Variants in CBL observed in about 807,000 individuals in gnomAD.
CBL encodes Cbl proto-oncogene.
In CBL, 45 loss-of-function variants were observed where a neutral mutation model predicts 96.9. That is an observed-to-expected ratio of 0.46 (90% CI 0.37 to 0.60). The LOEUF (loss-of-function observed/expected upper bound fraction) is 0.60, where lower values mean the gene tolerates loss of function less well. Among genes scored for constraint, CBL ranks in the 20% least tolerant of loss-of-function variants. The pLI is 0.00. For missense variants in CBL, 1,024 were observed against 1,143.5 expected (o/e 0.90, Z 1.51); for synonymous variants, 420 against 426.8 (o/e 0.98, Z 0.20).
intron 2 of CBL, among the ~76,000 whole-genome samples, chr11:119,270,664 T>G (rs562447946): frequency 6.6e-5 from 10 of 151,118 alleles, no homozygotes; most frequent in African/African-American, 2.2e-4. Context: ...GCCGGGATGG[T>G]CTCGATCTCC....
intron 2 of CBL, among the ~76,000 whole-genome samples, chr11:119,266,900 G>C (rs1166811020): frequency 6.6e-6 from 1 of 152,202 alleles, no homozygotes; most frequent in Non-Finnish European, 1.5e-5. Context: ...AAGTTGAACA[G>C]TTGTGTTCCT....
At chr11:119,269,978 C>T (rs538511232) in intron 2 of CBL, among the ~76,000 whole-genome samples, 4 of 151,290 alleles carry the variant, frequency 2.6e-5, no homozygotes, top group African/African-American at 7.2e-5. Context: ...GCCCAGGCGA[C>T]AGAGCGAGAC....
Position 119,303,809 on chromosome 11 carries a change from C to T in CBL, c.*4028C>T, listed in dbSNP as rs1027412638. The stretch of plus-strand genomic sequence containing the variant: ...TTTAAGCAAAGCATCTGCCCACACT[C>T]CCCTTTCCAATCTAGTGCCTTCCTT... On this transcript the variant is annotated 3_prime_UTR_variant, in exon 16 of 16. Transcript: ENST00000264033. 2 of 233,616 alleles carry T rather than the reference C, an allele frequency of 8.6e-6. No homozygotes were observed. The highest frequency in any genetic ancestry group is 1.7e-5 in the Non-Finnish European group (2 of 118,068). The allele number at this position is 233,616 out of a possible 1,614,324, so 14.5% of individuals were successfully genotyped here.
chr11:119,249,940 G>T (rs1219901433), intron 2 of CBL, among the ~76,000 whole-genome samples: 1 of 152,118 alleles, frequency 6.6e-6, no homozygotes, highest in Non-Finnish European at 1.5e-5. Flanking sequence ...TTTTAGATGT[G>T]AGCCACTGTG....
In CBL at chr11:119,298,534, A is replaced by G; in HGVS notation, c.2428A>G (p.Thr810Ala). 1 of 1,614,092 alleles carries G rather than the reference A, an allele frequency of 6.2e-7. No homozygotes were observed. The highest frequency in any genetic ancestry group is 1.7e-5 in the Admixed American group (1 of 60,016). Residue 810 changes from threonine (T) to alanine (A), a missense_variant, in exon 15 of 16, where the codon ACA (threonine) becomes GCA (alanine). Thr to Ala is a moderately conservative substitution (Grantham distance 58). Transcript: ENST00000264033. Reference sequence around the variant, plus strand: ...CTGGTTGTCTCTGGATGGTGATCCTACAACAAGTGAGTCTCCAGACTACTT... The same window carrying G: ...CTGGTTGTCTCTGGATGGTGATCCTGCAACAAGTGAGTCTCCAGACTACTT... ...FGWLSLDGDP[T>A]TNVTEGSQVP...
intron 12 of CBL, among the ~76,000 whole-genome samples, chr11:119,294,608 T>G (rs1051327273): frequency 6.6e-6 from 1 of 151,884 alleles, no homozygotes; most frequent in African/African-American, 2.4e-5. Context: ...CTGGCCAATA[T>G]GGTGAAACCC....
Position 119,303,739 on chromosome 11 carries a change from T to C in CBL, c.*3958T>C. On this transcript the variant is annotated 3_prime_UTR_variant, in exon 16 of 16. Coordinates refer to ENST00000264033, the MANE Select transcript of CBL (RefSeq NM_005188.4). The stretch of plus-strand genomic sequence containing the variant: ...ACATAATTAGAATCTGTTTGGTGAG[T>C]TGAAAGGTAAGTTGGCTCAGAGTTG... The C allele has an allele frequency of 4.3e-6, 1 of 233,698 alleles. No individual in the cohort carries two copies. The highest frequency in any genetic ancestry group is 8.5e-6 in the Non-Finnish European group (1 of 118,044). 14.5% of individuals were successfully genotyped at this position (233,698 alleles called of 1,614,324 possible).
intron 9 of CBL, among the ~76,000 whole-genome samples, chr11:119,283,632 T>C (rs1342729677): frequency 9.4e-5 from 5 of 52,996 alleles, no homozygotes; most frequent in African/African-American, 4.9e-4. Context: ...TTTCTTTTTT[T>C]TTTTTTTTTT....
In CBL at chr11:119,287,852, A is replaced by C. The variant is rs143264567; in HGVS notation, c.1942A>C (p.Ser648Arg). 68 of 1,602,450 alleles carry C rather than the reference A, an allele frequency of 4.2e-5. No individual in the cohort carries two copies. In the African/African-American group the frequency reaches 8.7e-4, roughly 20 times the overall value. ...GSTFSLDTSM[S>R]MNSSPLVGPE... ...TTCAACACTTTTCTTTACTTTCCAG[A>C]GTATGAATAGCAGCCCATTAGTAGG... Residue 648 changes from serine (S) to arginine (R), a missense_variant and splice_region_variant, in exon 12 of 16, where the codon AGT becomes CGT. Around this residue, in one of 4 missense-constraint regions of CBL, gnomAD observed 695 missense variants for 661.6 expected, o/e 1.05. Transcript: ENST00000264033.
At chr11:119,232,856 C>T (rs559327075) in intron 2 of CBL, among the ~76,000 whole-genome samples, 161 bp downstream of exon 2, 17 of 152,246 alleles carry the variant, frequency 1.1e-4, no homozygotes, top group African/African-American at 3.9e-4. Context: ...CCATGGATGA[C>T]GTTGTACTAT....
At chr11:119,285,685 G>A (rs1374890973) in intron 11 of CBL, 119 bp downstream of exon 11, 6 of 1,126,060 alleles carry the variant, frequency 5.3e-6, no homozygotes, top group African/African-American at 1.5e-5. Context: ...CGCTTGAGCC[G>A]AGGATTTCGA....
intron 1 of CBL, among the ~76,000 whole-genome samples, chr11:119,228,210 C>CG (rs1225162283): frequency 6.6e-6 from 1 of 152,148 alleles, no homozygotes; most frequent in Admixed American, 6.5e-5. Flanking sequence ...CCGCCTCAAG[C>CG]GGCCCTCCCA....
chr11:119,249,039 CT>C (rs1323512326), intron 2 of CBL, among the ~76,000 whole-genome samples: 1 of 152,112 alleles, frequency 6.6e-6, no homozygotes, highest in Admixed American at 6.6e-5. Context: ...TTTGGCAGTT[CT>C]TTAGAAAGCT....
chr11:119,279,173 T>C (rs909154840), intron 9 of CBL, among the ~76,000 whole-genome samples: 1 of 143,032 alleles, frequency 7.0e-6, no homozygotes, highest in African/African-American at 2.5e-5. Context: ...TTCTGTTCCC[T>C]TTTTTTTTTT....
intron 2 of CBL, among the ~76,000 whole-genome samples, chr11:119,235,766 G>A (rs1949541280): frequency 6.6e-6 from 1 of 152,198 alleles, no homozygotes; most frequent in Non-Finnish European, 1.5e-5. Flanking sequence ...TTCAGTACAT[G>A]TTGACAAGTT....
intron 1 of CBL, among the ~76,000 whole-genome samples, chr11:119,218,581 T>C (rs1949381871): frequency 6.6e-6 from 1 of 152,192 alleles, no homozygotes; most frequent in African/African-American, 2.4e-5. Context: ...CTTACGCTGC[T>C]TCTGTCCTGG....
In CBL at chr11:119,305,197, T is replaced by C. The variant is rs940679182; in HGVS notation, c.*5416T>C. 3 of 229,134 alleles carry C rather than the reference T, an allele frequency of 1.3e-5. No individual in the cohort carries two copies. Among genetic ancestry groups the C allele is most frequent in the African/African-American group, 6.6e-5 (3 of 45,124 alleles). The allele number at this position is 229,134 out of a possible 1,614,324, so 14.2% of individuals were successfully genotyped here. A position where few individuals can be genotyped will look rare whatever the true frequency, so the allele number is the denominator to read the frequency against. ...CATCATAGAAATTCTTAGGTTTAAC[T>C]TAATTCTGGTCATTGTCTTCTTTAT... On this transcript the variant is annotated 3_prime_UTR_variant, in exon 16 of 16. Transcript: ENST00000264033.
chr11:119,246,869 G>A (rs954786528), intron 2 of CBL, among the ~76,000 whole-genome samples: 20 of 152,282 alleles, frequency 1.3e-4, no homozygotes, highest in Middle Eastern at 3.4e-3. Flanking sequence ...GCATGATTTC[G>A]TAACACACAT....
At chr11:119,278,816 T>G in intron 9 of CBL, 103 bp downstream of exon 9, 1 of 844,792 alleles carries the variant, frequency 1.2e-6, no homozygotes, top group Non-Finnish European at 2.0e-6. Context: ...GTAGTATTAA[T>G]AGCTAATATT....
Sources: allele counts gnomAD v4.1 joint callset (sites outside exome capture counted in the v4.1 genomes callset), GRCh38; gene constraint gnomAD v4.1.1; regional missense constraint gnomAD v4.1.1; transcripts MANE v1.5; gene names NCBI Gene and HGNC (gene_info 2026-07-23, HGNC 2026-07-21).